CRTAC1: variants seen among roughly 807,000 people sequenced by gnomAD.
The protein encoded by CRTAC1 is acidic secreted protein in cartilage.
In CRTAC1, 37 loss-of-function variants were observed where a neutral mutation model predicts 67.8. The ratio of observed to expected loss-of-function variants is 0.55; its 90% CI spans 0.42 to 0.72. The LOEUF (loss-of-function observed/expected upper bound fraction) is 0.72. Ranked by LOEUF, CRTAC1 falls within the 30% of genes least tolerant of loss-of-function variation. CRTAC1 has a pLI of 0.00. For missense variants in CRTAC1, 780 were observed against 931.6 expected, an observed-to-expected ratio of 0.84 and a Z score of 2.12; for synonymous variants, 348 against 371.0, an observed-to-expected ratio of 0.94 and a Z score of 0.71.
intron 2 of CRTAC1, among the ~76,000 whole-genome samples, chr10:97,961,647 T>C (rs952983774): frequency 1.3e-5 from 2 of 152,140 alleles, no homozygotes; most frequent in African/African-American, 2.4e-5. Flanking sequence ...GCCCCAAGGC[T>C]CAAATACACT....
intron 5 of CRTAC1, among the ~76,000 whole-genome samples, chr10:97,916,162 A>C (rs1590206273): frequency 3.0e-5 from 4 of 132,214 alleles, no homozygotes; most frequent in Non-Finnish European, 6.5e-5. Context: ...CCCCCAGTGC[A>C]CCCCCCTTCC....
At chr10:97,996,908 A>G (rs1238497102) in intron 2 of CRTAC1, among the ~76,000 whole-genome samples, 4 of 152,146 alleles carry the variant, frequency 2.6e-5, no homozygotes, top group Admixed American at 6.5e-5. Context: ...GCAGCCAGAA[A>G]AAAATGATGA....
At chr10:97,900,047 C>T (rs2050511585) in intron 8 of CRTAC1, among the ~76,000 whole-genome samples, 1 of 152,224 alleles carries the variant, frequency 6.6e-6, no homozygotes. Flanking sequence ...GCCTCACCCC[C>T]TGAGATTCTA....
chr10:97,907,034 G>A (rs1362412179), intron 6 of CRTAC1, among the ~76,000 whole-genome samples: 3 of 152,178 alleles, frequency 2.0e-5, no homozygotes, highest in Non-Finnish European at 4.4e-5. Context: ...GCAAGGTCGG[G>A]GGAAATGGTC....
chr10:98,026,564 T>C (rs139739431), intron 1 of CRTAC1, among the ~76,000 whole-genome samples: 1,654 of 152,150 alleles, frequency 0.011, 30 homozygotes, highest in African/African-American at 0.034. Context: ...ATCTCAAGCA[T>C]AGCCTCTTAA....
intron 5 of CRTAC1, among the ~76,000 whole-genome samples, chr10:97,909,523 G>A (rs2050659765): frequency 6.6e-6 from 1 of 152,142 alleles, no homozygotes; most frequent in South Asian, 2.1e-4. Flanking sequence ...GCACCTGTCA[G>A]AATGACCATT....
intron 2 of CRTAC1, among the ~76,000 whole-genome samples, chr10:98,006,615 C>G (rs1482626382): frequency 6.6e-6 from 1 of 152,148 alleles, no homozygotes; most frequent in Admixed American, 6.5e-5. Context: ...AACGAGGACA[C>G]CGAAAAAGCA....
intron 2 of CRTAC1, among the ~76,000 whole-genome samples, chr10:97,987,329 G>A (rs776773794): frequency 6.6e-6 from 1 of 152,100 alleles, no homozygotes; most frequent in Non-Finnish European, 1.5e-5. Flanking sequence ...TCCCGACTGG[G>A]GTTCATGTGG....
intron 2 of CRTAC1, among the ~76,000 whole-genome samples, chr10:97,957,888 C>CT (rs775001058): frequency 6.6e-6 from 1 of 152,116 alleles, no homozygotes; most frequent in Non-Finnish European, 1.5e-5. Flanking sequence ...CAGGAACAAT[C>CT]TTTAACACAT....
intron 2 of CRTAC1, among the ~76,000 whole-genome samples, chr10:97,991,523 A>G (rs1410681415): frequency 6.6e-6 from 1 of 152,188 alleles, no homozygotes; most frequent in Admixed American, 6.5e-5. Flanking sequence ...TTTCTAAGAC[A>G]AGGGTTGGTC....
chr10:97,936,079 A>G, intron 3 of CRTAC1, 91 bp downstream of exon 3: 1 of 1,263,178 alleles, frequency 7.9e-7, no homozygotes, highest in Non-Finnish European at 1.1e-6. Context: ...CAGTTGCCTG[A>G]GGAAGGGCCA....
chr10:97,945,368 G>A (rs936382841), intron 2 of CRTAC1, among the ~76,000 whole-genome samples: 7 of 152,092 alleles, frequency 4.6e-5, no homozygotes, highest in African/African-American at 1.7e-4. Flanking sequence ...ATATCTAAAT[G>A]TTTCCCATTT....
In CRTAC1 at chr10:97,972,874, C is replaced by T. The variant is rs1017733005; in HGVS notation, c.225-36508G>A. 4.6e-4 allele frequency among the ~76,000 whole-genome samples: 70 copies of T among 152,152 alleles called. 1 individual carries two copies. Among genetic ancestry groups the T allele is most frequent in the African/African-American group, 1.7e-3 (70 of 41,516 alleles). ...CAACGTAGCCTTATTTCATCAATTCCAAGACATTGATGGAATTCCAAGGAT... is the reference window on the plus strand; with the variant it reads ...CAACGTAGCCTTATTTCATCAATTCTAAGACATTGATGGAATTCCAAGGAT... On this transcript the variant is annotated intron_variant, in intron 2 of 14. Coordinates refer to ENST00000370597, the MANE Select transcript of CRTAC1 (RefSeq NM_018058.7).
At chr10:97,902,161 C>A (rs1432943424) in intron 7 of CRTAC1, among the ~76,000 whole-genome samples, 1 of 152,190 alleles carries the variant, frequency 6.6e-6, no homozygotes, top group Non-Finnish European at 1.5e-5. Context: ...GCTGTGTGAT[C>A]TTAGGCAAGT....
intron 2 of CRTAC1, among the ~76,000 whole-genome samples, chr10:97,973,722 G>A (rs561497791): frequency 1.3e-5 from 2 of 152,276 alleles, no homozygotes; most frequent in South Asian, 4.1e-4. Flanking sequence ...CTGCTGCAGT[G>A]ACAACTTTTC....
At chr10:97,990,111 T>G (rs1385463925) in intron 2 of CRTAC1, among the ~76,000 whole-genome samples, 3 of 152,254 alleles carry the variant, frequency 2.0e-5, no homozygotes, top group African/African-American at 7.2e-5. Flanking sequence ...CATATAATGG[T>G]AGCTGTACTA....
intron 11 of CRTAC1, among the ~76,000 whole-genome samples, chr10:97,890,116 C>CACACAA (rs1041723950): frequency 1.8e-4 from 28 of 152,074 alleles, no homozygotes; most frequent in African/African-American, 6.3e-4. Context: ...CACACACACA[C>CACACAA]ACTCTCACAC....
At chr10:97,948,348 T>G (rs1043775097) in intron 2 of CRTAC1, among the ~76,000 whole-genome samples, 13 of 152,162 alleles carry the variant, frequency 8.5e-5, no homozygotes, top group Admixed American at 6.5e-4. Flanking sequence ...GAAAGCTGTT[T>G]CCTTAGAGAG....
At chr10:97,906,615 AT>A (rs982479931) in intron 6 of CRTAC1, among the ~76,000 whole-genome samples, 15 of 151,994 alleles carry the variant, frequency 9.9e-5, no homozygotes, top group Non-Finnish European at 1.3e-4. Context: ...TTGCTTTATG[AT>A]TTTTCAGCAA....
Sources: gnomAD v4.1 joint callset for allele counts (sites outside exome capture counted in the v4.1 genomes callset) on GRCh38, gnomAD v4.1.1 for gene constraint, MANE v1.5 for transcripts, NCBI Gene and HGNC (gene_info 2026-07-23, HGNC 2026-07-21) for gene names.